Variants in NRG3 observed in about 807,000 individuals in gnomAD.
NRG3 encodes the protein neuregulin 3.
NRG3 carries 31 observed loss-of-function variants against 66.9 expected under a neutral mutation model. The observed-to-expected ratio is 0.46, with a 90% CI of 0.35 to 0.63. The LOEUF is 0.63. NRG3 is among the 20% of genes least tolerant of loss of function. The pLI is 0.00. For synonymous variants in NRG3, 393 were observed against 359.4 expected, an observed-to-expected ratio of 1.09 and a Z score of -1.06; for missense variants, 910 against 878.9, an observed-to-expected ratio of 1.04 and a Z score of -0.45.
chr10:81,890,736 G>T (rs896250312), intron 1 of NRG3, among the ~76,000 whole-genome samples: 1 of 152,164 alleles, frequency 6.6e-6, no homozygotes, highest in Non-Finnish European at 1.5e-5. Context: ...GCTACAGAGT[G>T]TCTTTATGTA....
chr10:82,365,743 A>T (rs1352950419), intron 2 of NRG3, among the ~76,000 whole-genome samples: 3 of 152,066 alleles, frequency 2.0e-5, no homozygotes, highest in Non-Finnish European at 4.4e-5. Context: ...CCAACACATC[A>T]TTTAGTTATT....
chr10:81,924,587 T>C (rs939113624), intron 1 of NRG3, among the ~76,000 whole-genome samples: 4 of 152,208 alleles, frequency 2.6e-5, no homozygotes, highest in African/African-American at 7.2e-5. Flanking sequence ...ATGTCCTGTT[T>C]CGACTGGTTT....
intron 1 of NRG3, among the ~76,000 whole-genome samples, chr10:82,131,263 A>G (rs1486758437): frequency 1.3e-5 from 2 of 152,166 alleles, no homozygotes; most frequent in South Asian, 4.1e-4. Flanking sequence ...CTGCATATGG[A>G]TATCCAGTTT....
chr10:82,589,104 C>T (rs2046841307), intron 2 of NRG3, among the ~76,000 whole-genome samples: 1 of 152,144 alleles, frequency 6.6e-6, no homozygotes, highest in African/African-American at 2.4e-5. Context: ...CACCCAGACT[C>T]TCTGTCAGTC....
intron 3 of NRG3, among the ~76,000 whole-genome samples, chr10:82,749,517 T>C (rs2134912835): frequency 6.6e-6 from 1 of 152,304 alleles, no homozygotes; most frequent in Non-Finnish European, 1.5e-5. Flanking sequence ...GTTTGGAGCC[T>C]GATTCTGCTC....
chr10:82,245,829 A>C (rs1213009421), intron 1 of NRG3, among the ~76,000 whole-genome samples: 1 of 152,154 alleles, frequency 6.6e-6, no homozygotes, highest in Admixed American at 6.5e-5. Context: ...CATTAATAAA[A>C]TTCTCCTTTG....
intron 1 of NRG3, among the ~76,000 whole-genome samples, chr10:82,021,890 T>G (rs1344027571): frequency 6.6e-6 from 1 of 151,830 alleles, no homozygotes; most frequent in South Asian, 2.1e-4. Context: ...AATAATATTG[T>G]CAGCATGGCC....
Position 81,917,574 on chromosome 10 carries a change from G to A in NRG3, c.823+41411G>A, listed in dbSNP as rs186031749. 5.3e-5 allele frequency among the ~76,000 whole-genome samples: 8 copies of A among 152,248 alleles called. No homozygotes were observed. The East Asian group carries it at 1.2e-3, about 22-fold the overall frequency. ...TAAAAACCCTTTGCAAAAAACCCCA[G>A]GGGTAAAACCCTTTGACTATGGCAA... On this transcript the variant is annotated intron_variant, in intron 1 of 8. Coordinates refer to ENST00000372141, the MANE Select transcript of NRG3 (RefSeq NM_001010848.4).
chr10:82,184,293 G>C (rs2073648555), intron 1 of NRG3, among the ~76,000 whole-genome samples: 1 of 152,058 alleles, frequency 6.6e-6, no homozygotes, highest in Non-Finnish European at 1.5e-5. Context: ...ACAATAAATG[G>C]ACTCAAGAAA....
chr10:82,978,463 A>G lies in NRG3; in HGVS notation c.1413-487A>G, dbSNP rs538457350. Among the ~76,000 whole-genome samples, 318 of 152,360 alleles carry G rather than the reference A, an allele frequency of 2.1e-3. 2 individuals carry two copies. In the Middle Eastern group the frequency reaches 0.024, roughly 11 times the overall value. On this transcript the variant is annotated intron_variant, in intron 7 of 8. Coordinates refer to ENST00000372141, the MANE Select transcript of NRG3 (RefSeq NM_001010848.4). ...GGAATTTAACACATATGTTAATGAG[A>G]AAATGCCAATTAAAAGTTGTTAATT...
rs150482342 is a variant in NRG3 at position 82,640,482 on chromosome 10, A to G, written c.954-98095A>G. 6.6e-5 allele frequency among the ~76,000 whole-genome samples: 10 copies of G among 152,288 alleles called. No individual in the cohort carries two copies. In the East Asian group the frequency reaches 1.7e-3, roughly 27 times the overall value. On this transcript the variant is annotated intron_variant, in intron 2 of 8. Coordinates refer to ENST00000372141, the MANE Select transcript of NRG3 (RefSeq NM_001010848.4). Reference sequence around the variant, plus strand: ...TTAAGTCCTACCTTATTCTGAGTGCAAATCCATCATCAGGTAGTACCTGTT... The same window carrying G: ...TTAAGTCCTACCTTATTCTGAGTGCGAATCCATCATCAGGTAGTACCTGTT...
chr10:82,226,225 T>A (rs573010807), intron 1 of NRG3, among the ~76,000 whole-genome samples: 23 of 152,138 alleles, frequency 1.5e-4, no homozygotes, highest in Admixed American at 3.9e-4. Flanking sequence ...TGGCTCCTCT[T>A]TGAGACCAGT....
intron 2 of NRG3, among the ~76,000 whole-genome samples, chr10:82,639,790 A>G (rs547625929): frequency 6.6e-6 from 1 of 152,096 alleles, no homozygotes; most frequent in East Asian, 1.9e-4. Flanking sequence ...CTTTTATTTA[A>G]GTTCAGGGGT....
At chr10:82,464,411 C>G (rs1840479809) in intron 2 of NRG3, among the ~76,000 whole-genome samples, 1 of 152,174 alleles carries the variant, frequency 6.6e-6, no homozygotes, top group African/African-American at 2.4e-5. Context: ...GGGGGGAAGG[C>G]TGATTGTGCA....
Position 82,915,270 on chromosome 10 carries a change from A to T in NRG3, c.1055-36199A>T, listed in dbSNP as rs1845719053. On this transcript the variant is annotated intron_variant, in intron 4 of 8. Coordinates refer to ENST00000372141, the MANE Select transcript of NRG3 (RefSeq NM_001010848.4). ...CTTCCATTTTCCAAAGGCTCTAAGA[A>T]GACTTGTTCATTTTGTTTCACTTTG... Among the ~76,000 whole-genome samples the T allele has an allele frequency of 2.0e-5, 3 of 152,316 alleles. No individual in the cohort carries two copies. The South Asian group carries it at 6.2e-4, about 32-fold the overall frequency.
intron 2 of NRG3, among the ~76,000 whole-genome samples, chr10:82,506,995 A>G (rs1449053836): frequency 6.6e-6 from 1 of 152,228 alleles, no homozygotes; most frequent in Non-Finnish European, 1.5e-5. Flanking sequence ...CAGTACAGGT[A>G]AGATATGCTG....
intron 2 of NRG3, among the ~76,000 whole-genome samples, chr10:82,445,704 A>G (rs571995661): frequency 6.6e-6 from 1 of 152,302 alleles, no homozygotes; most frequent in African/African-American, 2.4e-5. Context: ...CCTGGGAGCC[A>G]GGTCCTTTTC....
chr10:82,426,693 A>T (rs2089472971), intron 2 of NRG3, among the ~76,000 whole-genome samples: 1 of 150,496 alleles, frequency 6.6e-6, no homozygotes, highest in Non-Finnish European at 1.5e-5. Context: ...AGAGCAGTGG[A>T]TGTGATCTTG....
At chr10:82,313,867 A>T (rs2081164059) in intron 1 of NRG3, among the ~76,000 whole-genome samples, 1 of 152,224 alleles carries the variant, frequency 6.6e-6, no homozygotes, top group South Asian at 2.1e-4. Flanking sequence ...AAGATGGAAC[A>T]GTTCAAGAAA....
Sources: gnomAD v4.1 joint callset for allele counts (sites outside exome capture counted in the v4.1 genomes callset) on GRCh38, gnomAD v4.1.1 for gene constraint, MANE v1.5 for transcripts, NCBI Gene and HGNC (gene_info 2026-07-23, HGNC 2026-07-21) for gene names.